Variants in TAOK3 observed in about 807,000 individuals in gnomAD.
TAOK3 encodes TAO kinase 3, also known as serine/threonine-protein kinase TAO3.
In TAOK3, 40 loss-of-function variants were observed where a neutral mutation model predicts 120.4. The ratio of observed to expected loss-of-function variants is 0.33; its 90% confidence interval spans 0.26 to 0.43. The LOEUF is 0.43. Ranked by LOEUF, TAOK3 falls within the 20% of genes least tolerant of loss-of-function variation. TAOK3 has a pLI of 1.00. For synonymous variants in TAOK3, 355 were observed against 387.5 expected (o/e 0.92, Z 0.99); for missense variants, 821 against 1,112.1 (o/e 0.74, Z 3.72).
rs573141587 is a variant in TAOK3, at chr12:118,352,317, A to T, written c.-194+20331T>A. Among the ~76,000 whole-genome samples the T allele has an allele frequency of 3.9e-5, 6 of 152,050 alleles. No individual in the cohort carries two copies. In the South Asian group the frequency reaches 1.2e-3, roughly 32 times the overall value. On this transcript the variant is annotated intron_variant, in intron 1 of 20. Coordinates refer to ENST00000392533, the MANE Select transcript of TAOK3 (RefSeq NM_016281.4). ...TCAGGTGTTCGACACCAGCCTGACCAACATGGTGAAACCCTGTCTCTACTA... is the reference window on the plus strand; with the variant it reads ...TCAGGTGTTCGACACCAGCCTGACCTACATGGTGAAACCCTGTCTCTACTA...
intron 9 of TAOK3, among the ~76,000 whole-genome samples, chr12:118,224,557 A>G (rs1565975066): frequency 6.6e-6 from 1 of 152,250 alleles, no homozygotes; most frequent in Non-Finnish European, 1.5e-5. Flanking sequence ...TAGTTTAAAC[A>G]GAAGAGAACC....
chr12:118,173,649 AC>A (rs1205191891), intron 16 of TAOK3, among the ~76,000 whole-genome samples: 1 of 152,252 alleles, frequency 6.6e-6, no homozygotes, highest in African/African-American at 2.4e-5. Flanking sequence ...GAGTAAACAA[AC>A]CATCTATATT....
chr12:118,178,561 G>A (rs1415488990), intron 15 of TAOK3, among the ~76,000 whole-genome samples: 3 of 152,032 alleles, frequency 2.0e-5, no homozygotes, highest in African/African-American at 7.2e-5. Flanking sequence ...GCGTTCAAGT[G>A]ATTCTCATGC....
intron 15 of TAOK3, among the ~76,000 whole-genome samples, chr12:118,179,075 GATTTATTTAAT>G (rs1473188991): frequency 6.6e-6 from 1 of 152,212 alleles, no homozygotes; most frequent in Non-Finnish European, 1.5e-5. Flanking sequence ...GAATCTGACT[GATTTATTTAAT>G]CAACATCATC....
chr12:118,290,651 C>A (rs559086951), intron 1 of TAOK3, among the ~76,000 whole-genome samples: 216 of 152,262 alleles, frequency 1.4e-3, no homozygotes, highest in Non-Finnish European at 2.7e-3. Flanking sequence ...CTACAACCTC[C>A]GCCTCCTGGG....
chr12:118,255,862 C>T (rs2040959691), intron 2 of TAOK3: 1 of 211,258 alleles, frequency 4.7e-6, no homozygotes, highest in East Asian at 1.2e-4. Flanking sequence ...GCGGGCGGAT[C>T]ACCTGAGGTC....
intron 1 of TAOK3, among the ~76,000 whole-genome samples, chr12:118,276,241 G>T (rs1372952928): frequency 6.6e-6 from 1 of 152,180 alleles, no homozygotes; most frequent in Admixed American, 6.5e-5. Context: ...CAGCACCAAG[G>T]TGCTGGTGGT....
At chr12:118,367,763 C>T (rs1393538259) in intron 1 of TAOK3, among the ~76,000 whole-genome samples, 1 of 151,800 alleles carries the variant, frequency 6.6e-6, no homozygotes, top group Non-Finnish European at 1.5e-5. Context: ...TCCCTCTCTC[C>T]CTTCTATTTT....
At chr12:118,179,229 G>C (rs1044878168) in intron 15 of TAOK3, among the ~76,000 whole-genome samples, 6 of 152,172 alleles carry the variant, frequency 3.9e-5, no homozygotes, top group African/African-American at 1.4e-4. Flanking sequence ...GAGAGACAGA[G>C]AGCAAGCTCA....
chr12:118,194,618 T>C (rs992662106), intron 13 of TAOK3, among the ~76,000 whole-genome samples: 19 of 150,868 alleles, frequency 1.3e-4, no homozygotes, highest in East Asian at 1.9e-4. Context: ...ATTTCTTTTT[T>C]TTTTTTTTTT....
At chr12:118,263,203 A>G (rs2041306625) in intron 2 of TAOK3, among the ~76,000 whole-genome samples, 1 of 152,220 alleles carries the variant, frequency 6.6e-6, no homozygotes, top group South Asian at 2.1e-4. Context: ...ATTTATGGAC[A>G]ACTGAGATTT....
chr12:118,331,502 G>A lies in TAOK3; in HGVS notation c.-194+41146C>T, dbSNP rs1041563371. On this transcript the variant is annotated intron_variant, in intron 1 of 20. Transcript: ENST00000392533. The stretch of plus-strand genomic sequence containing the variant: ...TCTACTAAAAATACAAAAATTAGCC[G>A]GGCATGGTGGCACATGCCTGTAATC... Among the ~76,000 whole-genome samples the A allele has an allele frequency of 3.7e-4, 56 of 151,818 alleles. 1 individual carries two copies. The highest frequency in any genetic ancestry group is 1.1e-3 in the African/African-American group (47 of 41,428).
In TAOK3 at chr12:118,238,125, G is replaced by T. The variant is rs757255441; in HGVS notation, c.385C>A (p.His129Asn). Residue 129 changes from histidine (H) to asparagine (N), a missense_variant, in exon 7 of 21, where the codon CAT becomes AAT. Physicochemically the swap from His to Asn is moderately conservative, Grantham distance 68. Coordinates refer to ENST00000392533, the MANE Select transcript of TAOK3 (RefSeq NM_016281.4). ...LQEVEIAAIT[H>N]GALHGLAYLH... Reference sequence around the variant, plus strand: ...TAGGCTAGTCCATGCAAGGCTCCATGAGTAATGGCAGCGATCTCCACTTCC... The same window carrying T: ...TAGGCTAGTCCATGCAAGGCTCCATTAGTAATGGCAGCGATCTCCACTTCC... The T allele has an allele frequency of 6.2e-7, 1 of 1,612,284 alleles. No individual in the cohort carries two copies. The highest frequency in any genetic ancestry group is 1.7e-5 in the Admixed American group (1 of 59,922).
chr12:118,201,445 C>T lies in TAOK3; in HGVS notation c.838G>A (p.Asp280Asn). The T allele has an allele frequency of 6.2e-7, 1 of 1,610,656 alleles. No homozygotes were observed. Among genetic ancestry groups the T allele is most frequent in the African/African-American group, 1.3e-5 (1 of 74,840 alleles). ...ELLRHDFVRR[D>N]RPLRVLIDLI... is the part of the protein sequence containing the mutation. ...TCAATGAGGACACGTAGTGGCCGGT[C>T]TCGTCGAACAAAGTCATGCTGATTG... Residue 280 changes from aspartate to asparagine, a missense_variant, in exon 12 of 21, where the codon GAC (aspartate) becomes AAC (asparagine). Transcript: ENST00000392533.
At chr12:118,361,163 C>G (rs1566175902) in intron 1 of TAOK3, among the ~76,000 whole-genome samples, 1 of 152,082 alleles carries the variant, frequency 6.6e-6, no homozygotes, top group Admixed American at 6.6e-5. Flanking sequence ...ATAATGCCCC[C>G]GTACTGAATT....
intron 14 of TAOK3, among the ~76,000 whole-genome samples, chr12:118,186,242 CAT>C (rs935096821): frequency 1.3e-5 from 2 of 152,312 alleles, no homozygotes; most frequent in African/African-American, 4.8e-5. Context: ...TTCTCCCTGA[CAT>C]GTGTTCTAAC....
intron 13 of TAOK3, chr12:118,198,444 T>A (rs1039446900): frequency 6.9e-6 from 1 of 145,318 alleles, no homozygotes; most frequent in Non-Finnish European, 1.5e-5. Context: ...TGGAGTGCAA[T>A]GGCGCGATCT....
rs1394600579 is a variant in TAOK3 at position 118,161,364 on chromosome 12, T to C, written c.2139+424A>G. Among the ~76,000 whole-genome samples the C allele has an allele frequency of 1.3e-5, 2 of 152,122 alleles. No individual in the cohort carries two copies. Among genetic ancestry groups the C allele is most frequent in the East Asian group, 3.9e-4 (2 of 5,166 alleles). On this transcript the variant is annotated intron_variant, in intron 18 of 20. Transcript: ENST00000392533. The surrounding 1 kb of genome is among the most constrained non-coding windows in gnomAD (Gnocchi z 4.5). ...TCATTCCTGATGACCATGACAGACA[T>C]CACTAATAAATGACACTCTTTCCTC...
chr12:118,334,485 C>G (rs769308046), intron 1 of TAOK3, among the ~76,000 whole-genome samples: 3 of 152,118 alleles, frequency 2.0e-5, no homozygotes, highest in Non-Finnish European at 2.9e-5. Context: ...GCTAATCAAC[C>G]AGTATAAAAT....
Sources: gnomAD v4.1 joint callset for allele counts (sites outside exome capture counted in the v4.1 genomes callset) on GRCh38, gnomAD v4.1.1 for gene constraint, Gnocchi (gnomAD v3.1) non-coding constraint, MANE v1.5 for transcripts, NCBI Gene and HGNC (gene_info 2026-07-23, HGNC 2026-07-21) for gene names.